ALMS1: variants seen among roughly 807,000 people sequenced by gnomAD.
ALMS1 encodes the protein centrosome-associated protein ALMS1.
A neutral mutation model predicts 352.2 loss-of-function variants in ALMS1; 271 were observed. That is an observed-to-expected ratio of 0.77 (90% confidence interval 0.70 to 0.85). ALMS1 has a LOEUF of 0.85. Among genes scored for constraint, ALMS1 ranks in the 40% least tolerant of loss-of-function variants. The pLI, the probability that ALMS1 is intolerant of heterozygous loss-of-function variation, is 0.00. For missense variants in ALMS1, 5,445 were observed against 4,870.7 expected (o/e 1.12, Z -3.51); for synonymous variants, 1,865 against 1,761.2 (o/e 1.06, Z -1.48).
intron 1 of ALMS1, among the ~76,000 whole-genome samples, chr2:73,396,303 TACACAC>T (rs757567739): frequency 4.0e-4 from 57 of 144,142 alleles, no homozygotes; most frequent in African/African-American, 7.6e-4. Context: ...GTCATAGAAA[TACACAC>T]ACACACACAC....
intron 1 of ALMS1, 78 bp from the exon 2 acceptor site, chr2:73,408,544 C>A: frequency 6.7e-7 from 1 of 1,487,942 alleles, no homozygotes; most frequent in Non-Finnish European, 9.2e-7. Flanking sequence ...GAAGTATGGT[C>A]TAAATATTAG....
intron 1 of ALMS1, among the ~76,000 whole-genome samples, chr2:73,391,528 C>T (rs544700621): frequency 7.2e-4 from 109 of 151,246 alleles, no homozygotes; most frequent in African/African-American, 2.4e-3. Flanking sequence ...CTCCTGACCT[C>T]GTGATACACC....
At chr2:73,560,221 CTT>C (rs1674628628) in intron 15 of ALMS1, among the ~76,000 whole-genome samples, 1 of 152,074 alleles carries the variant, frequency 6.6e-6, no homozygotes, top group South Asian at 2.1e-4. Context: ...AAACACGTAA[CTT>C]ATTTTAAAAT....
chr2:73,423,739 A>G (rs1671326721), intron 4 of ALMS1, among the ~76,000 whole-genome samples: 1 of 151,930 alleles, frequency 6.6e-6, no homozygotes, highest in Non-Finnish European at 1.5e-5. Flanking sequence ...GGAATAGATC[A>G]CTTCTTAAGT....
In ALMS1 at chr2:73,474,364, G is replaced by C. The variant is rs192915327; in HGVS notation, c.7675-15270G>C. 8.4e-4 allele frequency among the ~76,000 whole-genome samples: 109 copies of C among 129,424 alleles called. No homozygotes were observed. In the East Asian group the frequency reaches 0.023, roughly 28 times the overall value. The allele number at this position is 129,424 out of a possible 152,430, so 84.9% of individuals were successfully genotyped here. A position where few individuals can be genotyped will look rare whatever the true frequency, so the allele number is the denominator to read the frequency against. On this transcript the variant is annotated intron_variant, in intron 9 of 22. Coordinates refer to ENST00000613296, the MANE Select transcript of ALMS1 (RefSeq NM_001378454.1). ...AGTAGATTTTTACTTTTTAGTGCTT[G>C]TTGACTCTGTGTGTGTGTGTGTGTG...
At chr2:73,517,195 A>G (rs1673576567) in intron 10 of ALMS1, among the ~76,000 whole-genome samples, 1 of 137,868 alleles carries the variant, frequency 7.3e-6, no homozygotes, top group African/African-American at 2.9e-5. Context: ...ATATGACATT[A>G]TTCTCTTTTC....
chr2:73,413,528 G>A (rs960484694), intron 2 of ALMS1, among the ~76,000 whole-genome samples: 2 of 151,940 alleles, frequency 1.3e-5, no homozygotes, highest in African/African-American at 4.8e-5. Context: ...AGCATTCCTG[G>A]CCTCTTCCCA....
intron 15 of ALMS1, among the ~76,000 whole-genome samples, chr2:73,571,554 T>G (rs1674928007): frequency 6.6e-6 from 1 of 152,182 alleles, no homozygotes; most frequent in Admixed American, 6.5e-5. Flanking sequence ...GGAGCCTTCA[T>G]GACCTAATCA....
At position 73,573,192 on chromosome 2, in the gene ALMS1, A is replaced by G. The variant is rs531652690; in HGVS notation, c.11315A>G (p.Glu3772Gly). Residue 3772 changes from glutamate (E) to glycine (G), a missense_variant, in exon 16 of 23, where the codon GAG (glutamate) becomes GGG (glycine). Transcript: ENST00000613296. ...ESDILTQTDR[E>G]VALHERSSSV... Reference sequence around the variant, plus strand: ...GATATATTGACCCAAACAGATAGAGAGGTGGCTCTGCACGAAAGGAGTAGC... The same window carrying G: ...GATATATTGACCCAAACAGATAGAGGGGTGGCTCTGCACGAAAGGAGTAGC... 1.2e-6 allele frequency: 2 copies of G among 1,612,610 alleles called. No homozygotes were observed. The highest frequency in any genetic ancestry group is 1.7e-5 in the Admixed American group (1 of 59,850).
intron 15 of ALMS1, among the ~76,000 whole-genome samples, chr2:73,563,574 T>A (rs1430986125): frequency 6.6e-6 from 1 of 151,352 alleles, no homozygotes; most frequent in African/African-American, 2.4e-5. Flanking sequence ...TACAAAAAAA[T>A]TAGCCGGGCG....
chr2:73,510,129 CAA>C (rs1235494170), intron 10 of ALMS1, among the ~76,000 whole-genome samples: 1 of 152,188 alleles, frequency 6.6e-6, no homozygotes, highest in Non-Finnish European at 1.5e-5. Context: ...AACCTTTTAT[CAA>C]TGTTCTTAGC....
At chr2:73,500,942 T>C (rs1572977500) in intron 10 of ALMS1, among the ~76,000 whole-genome samples, 1 of 152,328 alleles carries the variant, frequency 6.6e-6, no homozygotes, top group Admixed American at 6.5e-5. Context: ...TACTGTTTTT[T>C]GTTCCCATTA....
intron 8 of ALMS1, 119 bp from the exon 9 acceptor site, chr2:73,455,043 G>A: frequency 9.0e-7 from 1 of 1,115,408 alleles, no homozygotes; most frequent in East Asian, 2.4e-5. Flanking sequence ...TTGAGAAGAA[G>A]ACATACTAAG....
chr2:73,601,788 G>C (rs1374451731), intron 19 of ALMS1, among the ~76,000 whole-genome samples: 1 of 152,238 alleles, frequency 6.6e-6, no homozygotes, highest in Non-Finnish European at 1.5e-5. Flanking sequence ...CGTAGCTCCT[G>C]TTTCTGCTCC....
Position 73,608,305 on chromosome 2 carries a change from C to T in ALMS1, c.12363-170C>T, listed in dbSNP as rs571837005. On this transcript the variant is annotated intron_variant, in intron 21 of 22. Coordinates refer to ENST00000613296, the MANE Select transcript of ALMS1 (RefSeq NM_001378454.1). The stretch of plus-strand genomic sequence containing the variant: ...ATCTCCCCTTCCAGATTGTGAGCCC[C>T]GGGCTAGGGTTTTCTGTGCTGGAGT... 1.4e-4 allele frequency among the ~76,000 whole-genome samples: 21 copies of T among 152,230 alleles called. No individual in the cohort carries two copies. In the South Asian group the frequency reaches 2.7e-3, roughly 20 times the overall value.
Position 73,519,834 on chromosome 2 carries a change from C to T in ALMS1, c.9599C>T (p.Ala3200Val), listed in dbSNP as rs1286644755. The T allele has an allele frequency of 6.2e-7, 1 of 1,613,620 alleles. No individual in the cohort carries two copies. The highest frequency in any genetic ancestry group is 1.3e-5 in the African/African-American group (1 of 74,902). ...TTCTCTGAAAAATTGTCATCTGATG[C>T]AGTCACTCAGATAACAACAGAAAGT... ...SAFSEKLSSD[A>V]VTQITTESPE... is the part of the protein sequence containing the mutation. The change falls in exon 11 of 23, where the codon GCA (alanine) becomes GTA (valine). Residue 3200 changes from alanine (A) to valine (V), a missense_variant. By Grantham distance (64) the Ala-to-Val change is moderately conservative. Transcript: ENST00000613296.
At chr2:73,429,312 G>C (rs1178784943) in intron 6 of ALMS1, among the ~76,000 whole-genome samples, 2 of 102,576 alleles carry the variant, frequency 1.9e-5, no homozygotes, top group Admixed American at 2.5e-4. Context: ...GCAGAGTTTT[G>C]CTCTTGTCAT....
chr2:73,436,310 T>C (rs1671603391), intron 7 of ALMS1, among the ~76,000 whole-genome samples: 2 of 152,216 alleles, frequency 1.3e-5, no homozygotes, highest in South Asian at 2.1e-4. Flanking sequence ...CAAGATATGC[T>C]CTTTGTCTTT....
intron 7 of ALMS1, among the ~76,000 whole-genome samples, chr2:73,445,812 G>T (rs1265531035): frequency 6.6e-6 from 1 of 151,858 alleles, no homozygotes; most frequent in Non-Finnish European, 1.5e-5. Flanking sequence ...TCCTCTTCTT[G>T]GTCGAAACTT....
Sources: gnomAD v4.1 joint callset for allele counts (sites outside exome capture counted in the v4.1 genomes callset) on GRCh38, gnomAD v4.1.1 for gene constraint, MANE v1.5 for transcripts, NCBI Gene and HGNC (gene_info 2026-07-23, HGNC 2026-07-21) for gene names.